ARFGEF3: variants seen among roughly 807,000 people sequenced by gnomAD.
ARFGEF3 encodes the protein ARFGEF family member 3.
In ARFGEF3, 96 loss-of-function variants were observed where a neutral mutation model predicts 221.7. That is an observed-to-expected ratio of 0.43 (90% CI 0.37 to 0.51). The LOEUF (loss-of-function observed/expected upper bound fraction) is 0.51, where lower values mean the gene tolerates loss of function less well. ARFGEF3 is among the 20% of genes least tolerant of loss of function. ARFGEF3 has a pLI of 0.00. For missense variants in ARFGEF3, 2,410 were observed against 2,789.9 expected, an observed-to-expected ratio of 0.86 and a Z score of 3.07; for synonymous variants, 1,145 against 1,126.8, an observed-to-expected ratio of 1.02 and a Z score of -0.32.
At chr6:138,230,191 TA>T (rs199875625) in intron 5 of ARFGEF3, among the ~76,000 whole-genome samples, 15 of 152,102 alleles carry the variant, frequency 9.9e-5, no homozygotes, top group Non-Finnish European at 1.9e-4. Context: ...GCATTTGATT[TA>T]AAAAAATAGT....
At chr6:138,332,307 G>GACTT (rs943994932) in intron 32 of ARFGEF3, among the ~76,000 whole-genome samples, 5 of 109,602 alleles carry the variant, frequency 4.6e-5, no homozygotes, top group African/African-American at 6.9e-5. Flanking sequence ...TCCACTTGGA[G>GACTT]ACTTACTGAA....
At chr6:138,264,037 C>T (rs1425217149) in intron 12 of ARFGEF3, among the ~76,000 whole-genome samples, 2 of 152,156 alleles carry the variant, frequency 1.3e-5, no homozygotes, top group African/African-American at 2.4e-5. Context: ...ATCAGTTGCA[C>T]GCCAAGTCCT....
At chr6:138,305,341 C>CT (rs1554257049) in intron 22 of ARFGEF3, among the ~76,000 whole-genome samples, 1 of 151,758 alleles carries the variant, frequency 6.6e-6, no homozygotes. Flanking sequence ...TGGCTTACAC[C>CT]TGTAATCCCA....
intron 4 of ARFGEF3, chr6:138,217,847 ACAT>A: frequency 4.1e-6 from 5 of 1,218,396 alleles, no homozygotes; most frequent in Non-Finnish European, 5.5e-6. Context: ...ATAACCTCCT[ACAT>A]CATCAAATTC....
intron 11 of ARFGEF3, 132 bp from the exon 12 acceptor site, chr6:138,262,569 T>G: frequency 1.3e-5 from 11 of 872,504 alleles, no homozygotes; most frequent in East Asian, 2.6e-5. Context: ...GCCCAGACCA[T>G]TTTGTTTTAT....
intron 3 of ARFGEF3, among the ~76,000 whole-genome samples, chr6:138,209,535 C>T (rs1279396785): frequency 1.3e-5 from 2 of 152,072 alleles, no homozygotes; most frequent in African/African-American, 2.4e-5. Flanking sequence ...CTGCAACCTC[C>T]GCCTCCCGGG....
intron 8 of ARFGEF3, among the ~76,000 whole-genome samples, chr6:138,247,565 T>C (rs1168283649): frequency 6.6e-6 from 1 of 152,164 alleles, no homozygotes; most frequent in Non-Finnish European, 1.5e-5. Flanking sequence ...GCATATTTTC[T>C]CCTGAGACCC....
At chr6:138,276,815 G>A (rs1349734425) in intron 12 of ARFGEF3, among the ~76,000 whole-genome samples, 1 of 152,042 alleles carries the variant, frequency 6.6e-6, no homozygotes, top group East Asian at 1.9e-4. Context: ...ACAGGCATGC[G>A]CCACCATGCC....
intron 14 of ARFGEF3, among the ~76,000 whole-genome samples, chr6:138,280,834 G>T (rs1303756921): frequency 6.6e-6 from 1 of 152,134 alleles, no homozygotes; most frequent in Non-Finnish European, 1.5e-5. Context: ...CTGGGCAACA[G>T]GAGCAAGACC....
intron 22 of ARFGEF3, among the ~76,000 whole-genome samples, chr6:138,303,916 A>AGGT (rs1490593108): frequency 7.1e-6 from 1 of 140,326 alleles, no homozygotes; most frequent in Non-Finnish European, 1.5e-5. Flanking sequence ...GTGAGGGAGG[A>AGGT]GGTGGAGACA....
chr6:138,324,651 C>A (rs929027879), intron 31 of ARFGEF3, among the ~76,000 whole-genome samples: 7 of 152,186 alleles, frequency 4.6e-5, no homozygotes, highest in Non-Finnish European at 7.3e-5. Context: ...ATGGCTTTTC[C>A]TTCTTGAGAC....
chr6:138,314,841 G>A (rs1248480497), intron 26 of ARFGEF3, among the ~76,000 whole-genome samples: 1 of 152,196 alleles, frequency 6.6e-6, no homozygotes, highest in African/African-American at 2.4e-5. Context: ...TCATAAGAAT[G>A]AGCATCTATT....
intron 8 of ARFGEF3, among the ~76,000 whole-genome samples, chr6:138,252,818 C>T (rs899979391): frequency 2.6e-5 from 4 of 152,120 alleles, no homozygotes; most frequent in Non-Finnish European, 4.4e-5. Flanking sequence ...TTGCAATAAA[C>T]ATGTCCCTGA....
At chr6:138,265,326 T>C (rs1162575202) in intron 12 of ARFGEF3, among the ~76,000 whole-genome samples, 1 of 152,234 alleles carries the variant, frequency 6.6e-6, no homozygotes, top group African/African-American at 2.4e-5. Context: ...ATTTCTCAAC[T>C]TTCCTAATTC....
At chr6:138,296,411 C>T (rs911732982) in intron 20 of ARFGEF3, among the ~76,000 whole-genome samples, 27 of 152,240 alleles carry the variant, frequency 1.8e-4, no homozygotes, top group African/African-American at 6.0e-4. Flanking sequence ...TAGGAGTGGG[C>T]AGTATTATCC....
Position 138,253,995 on chromosome 6 carries a change from A to C in ARFGEF3, c.770+11A>C. 1 of 1,539,482 alleles carries C rather than the reference A, an allele frequency of 6.5e-7. No homozygotes were observed. Among genetic ancestry groups the C allele is most frequent in the Non-Finnish European group, 8.7e-7 (1 of 1,145,278 alleles). ...CACGGACCTGATCTGGTGAGCACCC[A>C]CTCCTGACGCCCCGACGCTGATGCC... On this transcript the variant is annotated intron_variant, in intron 9 of 33. Transcript: ENST00000251691.
intron 10 of ARFGEF3, among the ~76,000 whole-genome samples, chr6:138,256,123 T>G (rs1778675384): frequency 6.6e-6 from 1 of 152,162 alleles, no homozygotes; most frequent in Non-Finnish European, 1.5e-5. Context: ...CAACATTAGA[T>G]TTCAAAATGA....
At chr6:138,202,790 A>G (rs1228132541) in intron 2 of ARFGEF3, among the ~76,000 whole-genome samples, 3 of 152,020 alleles carry the variant, frequency 2.0e-5, no homozygotes, top group African/African-American at 7.2e-5. Context: ...AGCACTATTG[A>G]CGTAGACATT....
intron 2 of ARFGEF3, among the ~76,000 whole-genome samples, chr6:138,203,392 G>A (rs542747492): frequency 1.3e-5 from 2 of 152,302 alleles, no homozygotes; most frequent in African/African-American, 2.4e-5. Context: ...GAAGGTTGTA[G>A]TGAAAGTTAA....
Sources: gnomAD v4.1 joint callset for allele counts (sites outside exome capture counted in the v4.1 genomes callset) on GRCh38, gnomAD v4.1.1 for gene constraint, MANE v1.5 for transcripts, NCBI Gene and HGNC (gene_info 2026-07-23, HGNC 2026-07-21) for gene names.